USP43: variants seen among roughly 807,000 people sequenced by gnomAD.
USP43 encodes ubiquitin specific peptidase 43, also known as ubiquitin carboxyl-terminal hydrolase 43.
USP43 carries 33 observed loss-of-function variants against 90.7 expected under a neutral mutation model. The observed-to-expected ratio is 0.36, with a 90% CI of 0.28 to 0.49. The LOEUF (loss-of-function observed/expected upper bound fraction) is 0.49. USP43 is among the 20% of genes least tolerant of loss of function. The probability of loss-of-function intolerance (pLI) is 0.98; values close to 1 mark genes in which losing one functional copy is unlikely to be tolerated. For synonymous variants in USP43, 598 were observed against 615.8 expected (o/e 0.97, Z 0.43); for missense variants, 1,274 against 1,476.4 (o/e 0.86, Z 2.25).
rs200451523 is a variant in USP43 at position 9,666,745 on chromosome 17, A to G, written c.734A>G (p.Gln245Arg). 1 of 1,611,018 alleles carries G rather than the reference A, an allele frequency of 6.2e-7. No individual in the cohort carries two copies. The highest frequency in any genetic ancestry group is 8.5e-7 in the Non-Finnish European group (1 of 1,178,442). ...QSFVQSHFQA[Q>R]YRSSLTCPHC... ...TTTGTGCAAAGCCACTTTCAAGCAC[A>G]ATATAGGTAAGATGGGGATGTGTTT... is the stretch of plus-strand genomic sequence containing the variant. The change falls in exon 3 of 15, where the codon CAA becomes CGA. Residue 245 changes from glutamine (Q) to arginine (R), a missense_variant. Physicochemically the swap from Gln to Arg is conservative, Grantham distance 43. This residue lies in a region of USP43 where 259 missense variants were observed against 373.7 expected (regional missense o/e 0.69). Coordinates refer to ENST00000285199, the MANE Select transcript of USP43 (RefSeq NM_153210.5).
intron 9 of USP43, among the ~76,000 whole-genome samples, chr17:9,697,338 A>AT (rs1169667739): frequency 1.0e-4 from 15 of 148,796 alleles, no homozygotes; most frequent in East Asian, 3.9e-4. Flanking sequence ...CACTTATATA[A>AT]TTTTTTTTTT....
intron 14 of USP43, among the ~76,000 whole-genome samples, chr17:9,723,539 TCCCCTCCC>T (rs1917080644): frequency 1.2e-4 from 2 of 17,136 alleles, no homozygotes; most frequent in Admixed American, 1.2e-3. Flanking sequence ...TCCCCTCCCC[TCCCCTCCC>T]CTCCCCTCCC....
chr17:9,673,466 G>A (rs372024276), intron 3 of USP43, among the ~76,000 whole-genome samples: 118 of 152,230 alleles, frequency 7.8e-4, no homozygotes, highest in Middle Eastern at 3.4e-3. Context: ...TCGAGATCGC[G>A]CCATTGCACT....
chr17:9,726,263 C>T (rs1258963782), intron 14 of USP43, among the ~76,000 whole-genome samples: 1 of 152,194 alleles, frequency 6.6e-6, no homozygotes, highest in Admixed American at 6.5e-5. Flanking sequence ...CCTGAGCTCT[C>T]ACCCGTGCAC....
At position 9,728,726 on chromosome 17, in the gene USP43, G is replaced by T. The variant is rs1283825029; in HGVS notation, c.3108G>T (p.Gly1036=). The part of the protein sequence containing the change: ...VSGGLSPAMD[G]QAPGSPPALR... ...GCGGGCTGAGCCCTGCCATGGACGG[G>T]CAGGCTCCAGGCTCACCTCCTGCCC... The change falls in exon 15 of 15, where the codon GGG becomes GGT. Residue 1036 remains glycine (G), a synonymous_variant. Coordinates refer to ENST00000285199, the MANE Select transcript of USP43 (RefSeq NM_153210.5). The surrounding 1 kb of genome is among the most constrained non-coding windows in gnomAD (Gnocchi z 6.2). 1 of 1,600,872 alleles carries T rather than the reference G, an allele frequency of 6.2e-7. No individual in the cohort carries two copies. The highest frequency in any genetic ancestry group is 1.1e-5 in the South Asian group (1 of 89,710).
chr17:9,719,525 T>C (rs771130371), intron 14 of USP43, among the ~76,000 whole-genome samples: 4 of 152,140 alleles, frequency 2.6e-5, no homozygotes, highest in Non-Finnish European at 5.9e-5. Context: ...AGATTCGGTG[T>C]GAAGCAACCA....
At chr17:9,681,179 A>AAT (rs1555550040) in intron 6 of USP43, among the ~76,000 whole-genome samples, 1,559 of 57,610 alleles carry the variant, frequency 0.027, 108 homozygotes, top group African/African-American at 0.079. Flanking sequence ...TATACTATAT[A>AAT]ATATACTATA....
At chr17:9,699,751 G>C (rs1227022297) in intron 9 of USP43, among the ~76,000 whole-genome samples, 1 of 152,164 alleles carries the variant, frequency 6.6e-6, no homozygotes, top group Non-Finnish European at 1.5e-5. Context: ...TTGTGGAGGG[G>C]GGCTTAAAGG....
chr17:9,676,457 CCT>C (rs1367281642), intron 4 of USP43, among the ~76,000 whole-genome samples: 1 of 152,144 alleles, frequency 6.6e-6, no homozygotes, highest in Admixed American at 6.6e-5. Context: ...ACAAGCTCCG[CCT>C]CTCAGGTTCA....
In USP43 at chr17:9,645,734, G is replaced by A. The variant is rs1230003783; in HGVS notation, c.102G>A (p.Ala34=). 4.4e-6 allele frequency: 6 copies of A among 1,371,262 alleles called. No homozygotes were observed. The highest frequency in any genetic ancestry group is 6.8e-5 in the Admixed American group (2 of 29,254). The allele number at this position is 1,371,262 out of a possible 1,614,324, so 84.9% of individuals were successfully genotyped here. A position where few individuals can be genotyped will look rare whatever the true frequency, so the allele number is the denominator to read the frequency against. Residue 34 remains alanine, a synonymous_variant, in exon 1 of 15, where the codon GCG becomes GCA. Coordinates refer to ENST00000285199, the MANE Select transcript of USP43 (RefSeq NM_153210.5). The surrounding 1 kb of genome is among the most constrained non-coding windows in gnomAD (Gnocchi z 6.8). ...GCCTGTTCAGCCGCTTCCTGCTGGCGCTGGGCAGCCGCTCACGCCCCGGGG... is the reference window on the plus strand; with the variant it reads ...GCCTGTTCAGCCGCTTCCTGCTGGCACTGGGCAGCCGCTCACGCCCCGGGG... ...LRRLFSRFLL[A]LGSRSRPGDS... is the part of the protein sequence containing the mutation.
chr17:9,715,474 A>G (rs1002383938), intron 14 of USP43, among the ~76,000 whole-genome samples: 1 of 152,036 alleles, frequency 6.6e-6, no homozygotes, highest in African/African-American at 2.4e-5. Flanking sequence ...CAAAAAAACC[A>G]GCATTACTAT....
rs762522714 is a variant in USP43, at chr17:9,710,106, C to T, written c.2162C>T (p.Ser721Phe). The T allele has an allele frequency of 1.3e-6, 2 of 1,508,180 alleles. No homozygotes were observed. The highest frequency in any genetic ancestry group is 2.2e-5 in the Admixed American group (1 of 46,448). The allele number at this position is 1,508,180 out of a possible 1,614,324, so 93.4% of individuals were successfully genotyped here. ...ATCCCTCCCTGGTCAGCCAGCAGCT[C>T]CATGAGAGGTAGGTGCTGCTGCTCA... ...NSIPPWSASSSMRGSTSSSLS... is the reference protein window; with the variant it reads ...NSIPPWSASSFMRGSTSSSLS... The change falls in exon 13 of 15, where the codon TCC becomes TTC. Residue 721 changes from serine (S) to phenylalanine (F), a missense_variant. Transcript: ENST00000285199.
At chr17:9,706,114 C>T (rs907351600) in intron 12 of USP43, among the ~76,000 whole-genome samples, 10 of 152,156 alleles carry the variant, frequency 6.6e-5, no homozygotes, top group East Asian at 1.9e-4. Context: ...AGCATCTTTT[C>T]GCATGTTTGA....
chr17:9,661,026 C>A (rs551811794), intron 2 of USP43, among the ~76,000 whole-genome samples: 1 of 152,010 alleles, frequency 6.6e-6, no homozygotes, highest in Non-Finnish European at 1.5e-5. Context: ...TTTTTTTTCT[C>A]TTTGAGGTTA....
intron 6 of USP43, among the ~76,000 whole-genome samples, chr17:9,681,483 T>C (rs1407634526): frequency 8.7e-4 from 27 of 31,098 alleles, no homozygotes; most frequent in African/African-American, 3.9e-3. Flanking sequence ...TATATATATA[T>C]ATATATATAT....
At chr17:9,678,139 G>A (rs934213430) in intron 5 of USP43, among the ~76,000 whole-genome samples, 45 of 152,228 alleles carry the variant, frequency 3.0e-4, no homozygotes, top group Middle Eastern at 3.4e-3. Context: ...GAGAGGGAGC[G>A]TTTGAATAAT....
Position 9,684,396 on chromosome 17 carries a change from A to C in USP43, c.1241+1438A>C, listed in dbSNP as rs377387305. Among the ~76,000 whole-genome samples the C allele has an allele frequency of 4.6e-5, 7 of 152,284 alleles. No individual in the cohort carries two copies. The East Asian group carries it at 1.2e-3, about 25-fold the overall frequency. ...ATTTTCCAGCTCTTGAAAATTAAGG[A>C]GATAAATACCCTTGGTGAAATGAAC... On this transcript the variant is annotated intron_variant, in intron 7 of 14. Coordinates refer to ENST00000285199, the MANE Select transcript of USP43 (RefSeq NM_153210.5).
rs775574898 is a variant in USP43, at chr17:9,686,903, T to C, written c.1347T>C (p.Pro449=). ...KVRHLMKSEA[P]VQNLGSLFSI... is the part of the protein sequence containing the mutation. Reference sequence around the variant, plus strand: ...GCCATCTTATGAAGAGTGAGGCCCCTGTACAGGTCAGTGGTGTGCATGCGT... The same window carrying C: ...GCCATCTTATGAAGAGTGAGGCCCCCGTACAGGTCAGTGGTGTGCATGCGT... The change falls in exon 8 of 15, where the codon CCT becomes CCC. Residue 449 remains proline (P), a synonymous_variant. Coordinates refer to ENST00000285199, the MANE Select transcript of USP43 (RefSeq NM_153210.5). The surrounding 1 kb of genome is among the most constrained non-coding windows in gnomAD (Gnocchi z 5.5). 2.0e-5 allele frequency: 33 copies of C among 1,613,112 alleles called. No individual in the cohort carries two copies. Among genetic ancestry groups the C allele is most frequent in the Non-Finnish European group, 2.8e-5 (33 of 1,179,808 alleles).
intron 14 of USP43, among the ~76,000 whole-genome samples, chr17:9,714,133 C>A (rs867824419): frequency 1.3e-5 from 2 of 152,128 alleles, no homozygotes; most frequent in Admixed American, 1.3e-4. Context: ...GGAGCTCAGG[C>A]GGTAATGCGA....
Sources: allele counts gnomAD v4.1 joint callset (sites outside exome capture counted in the v4.1 genomes callset), GRCh38; gene constraint gnomAD v4.1.1; regional missense constraint gnomAD v4.1.1; non-coding constraint Gnocchi (gnomAD v3.1); transcripts MANE v1.5; gene names NCBI Gene and HGNC (gene_info 2026-07-23, HGNC 2026-07-21).